The following PTPRG variants were observed in gnomAD, a reference collection of about 807,000 sequenced individuals.
The protein encoded by PTPRG is receptor-type tyrosine-protein phosphatase gamma.
In PTPRG, 102 loss-of-function variants were observed where a neutral mutation model predicts 165.3. The observed-to-expected ratio is 0.62, with a 90% CI of 0.53 to 0.73. The LOEUF is 0.73. PTPRG is among the 30% of genes least tolerant of loss of function. The pLI is 0.00. For synonymous variants in PTPRG, 675 were observed against 669.5 expected (o/e 1.01, Z -0.13); for missense variants, 1,866 against 1,861.4 (o/e 1.00, Z -0.05).
intron 18 of PTPRG, 45 bp downstream of exon 18, chr3:62,267,537 A>G (rs377605771): frequency 2.6e-6 from 4 of 1,550,350 alleles, no homozygotes; most frequent in Non-Finnish European, 3.5e-6. Context: ...GAAATTGAAG[A>G]CTGCAGCAGA....
At chr3:62,267,327 G>T in intron 17 of PTPRG, 83 bp from the exon 18 acceptor site, 2 of 1,041,926 alleles carry the variant, frequency 1.9e-6, no homozygotes, top group South Asian at 1.5e-5. Flanking sequence ...CATGTTACCT[G>T]ATTGCCTTGT....
At chr3:61,568,603 C>T (rs1402719632) in intron 1 of PTPRG, among the ~76,000 whole-genome samples, 1 of 151,946 alleles carries the variant, frequency 6.6e-6, no homozygotes, top group Non-Finnish European at 1.5e-5. Flanking sequence ...GCCCTTAATA[C>T]AACTGTAAAA....
intron 6 of PTPRG, among the ~76,000 whole-genome samples, chr3:62,149,389 C>T (rs1216240366): frequency 6.6e-6 from 1 of 151,682 alleles, no homozygotes; most frequent in Non-Finnish European, 1.5e-5. Flanking sequence ...TTTTCCTGCC[C>T]CAGCCTCCCA....
At chr3:61,643,840 G>T (rs1306037278) in intron 1 of PTPRG, among the ~76,000 whole-genome samples, 1 of 152,070 alleles carries the variant, frequency 6.6e-6, no homozygotes, top group Non-Finnish European at 1.5e-5. Context: ...CTTATTGAAT[G>T]GTCAGTTTGA....
At chr3:61,836,668 G>C (rs1292252816) in intron 2 of PTPRG, among the ~76,000 whole-genome samples, 1 of 152,188 alleles carries the variant, frequency 6.6e-6, no homozygotes, top group Non-Finnish European at 1.5e-5. Flanking sequence ...TTAATAACTT[G>C]CTGAAGATGA....
chr3:61,671,740 CT>C (rs1702996257), intron 1 of PTPRG, among the ~76,000 whole-genome samples: 1 of 147,286 alleles, frequency 6.8e-6, no homozygotes, highest in Non-Finnish European at 1.5e-5. Flanking sequence ...CCCTCACCTC[CT>C]GGACGGGGCG....
At chr3:61,701,178 C>T (rs572037384) in intron 1 of PTPRG, among the ~76,000 whole-genome samples, 26 of 152,224 alleles carry the variant, frequency 1.7e-4, no homozygotes, top group African/African-American at 6.3e-4. Flanking sequence ...TGGGCTTTTT[C>T]CTGTGGTGAT....
At chr3:62,070,892 A>T (rs929518536) in intron 4 of PTPRG, among the ~76,000 whole-genome samples, 5 of 152,116 alleles carry the variant, frequency 3.3e-5, no homozygotes, top group African/African-American at 1.2e-4. Context: ...TTGTCAAAGT[A>T]ACCTGCACAA....
chr3:61,641,118 T>G lies in PTPRG; in HGVS notation c.85+78746T>G, dbSNP rs1301822310. Among the ~76,000 whole-genome samples, 5 of 152,228 alleles carry G rather than the reference T, an allele frequency of 3.3e-5. No homozygotes were observed. The East Asian group carries it at 9.6e-4, about 29-fold the overall frequency. ...GCTTGACTCTTTGATCATCAACTCC[T>G]TGGAGTAGCCTGTTAGCTCTTAAAT... On this transcript the variant is annotated intron_variant, in intron 1 of 29. Transcript: ENST00000474889.
At position 62,129,739 on chromosome 3, in the gene PTPRG, A is replaced by T. The variant is rs79082051; in HGVS notation, c.616-2863A>T. Among the ~76,000 whole-genome samples the T allele has an allele frequency of 1.1e-3, 173 of 152,344 alleles. 2 individuals are homozygous for T. In the East Asian group the frequency reaches 0.032, roughly 28 times the overall value. ...CCAACACGTGAAATGTTGGGGATACATTCAAACCATAGTGGTCCCCCTGAC... is the reference window on the plus strand; with the variant it reads ...CCAACACGTGAAATGTTGGGGATACTTTCAAACCATAGTGGTCCCCCTGAC... On this transcript the variant is annotated intron_variant, in intron 5 of 29. Coordinates refer to ENST00000474889, the MANE Select transcript of PTPRG (RefSeq NM_002841.4).
At chr3:62,274,084 A>T (rs1220745880) in intron 23 of PTPRG, among the ~76,000 whole-genome samples, 36 of 152,156 alleles carry the variant, frequency 2.4e-4, no homozygotes, top group Non-Finnish European at 2.9e-5. Flanking sequence ...ACTTTATCTG[A>T]ATATAAACAT....
At chr3:61,856,004 T>C (rs1477137721) in intron 2 of PTPRG, among the ~76,000 whole-genome samples, 3 of 152,168 alleles carry the variant, frequency 2.0e-5, no homozygotes, top group Non-Finnish European at 4.4e-5. Flanking sequence ...AGAAGAACTT[T>C]CCCTTCCTCC....
intron 2 of PTPRG, among the ~76,000 whole-genome samples, chr3:61,873,854 T>C (rs531522494): frequency 7.2e-5 from 11 of 152,312 alleles, no homozygotes; most frequent in South Asian, 2.1e-4. Context: ...CTCTCATTCT[T>C]ACTGGCTGTG....
At chr3:62,027,316 G>T (rs570442093) in intron 4 of PTPRG, among the ~76,000 whole-genome samples, 17 of 152,146 alleles carry the variant, frequency 1.1e-4, no homozygotes, top group Non-Finnish European at 2.5e-4. Context: ...CGTGTCTCCA[G>T]AGTGGTGTCC....
At chr3:62,264,999 G>A (rs906774499) in intron 17 of PTPRG, among the ~76,000 whole-genome samples, 7 of 149,964 alleles carry the variant, frequency 4.7e-5, no homozygotes, top group Admixed American at 1.3e-4. Flanking sequence ...CCGGTATGAA[G>A]TGGTATCCTA....
At chr3:61,904,258 T>A (rs937050318) in intron 2 of PTPRG, among the ~76,000 whole-genome samples, 5 of 152,156 alleles carry the variant, frequency 3.3e-5, no homozygotes, top group African/African-American at 1.2e-4. Flanking sequence ...ATTGTAAGTC[T>A]CCATCCAGAA....
chr3:61,865,638 G>A (rs562818147), intron 2 of PTPRG, among the ~76,000 whole-genome samples: 3 of 152,246 alleles, frequency 2.0e-5, no homozygotes, highest in South Asian at 2.1e-4. Flanking sequence ...TCCACCTGCC[G>A]ACAGGGCAGG....
rs1022418977 is a variant in PTPRG at position 61,721,256 on chromosome 3, C to T, written c.86-27622C>T. On this transcript the variant is annotated intron_variant, in intron 1 of 29. Transcript: ENST00000474889. The stretch of plus-strand genomic sequence containing the variant: ...AGAATTGCAACCTGAACTATTTTAG[C>T]GCTTTAAGTAATATAGTATCATCAG... 3.3e-5 allele frequency among the ~76,000 whole-genome samples: 5 copies of T among 152,264 alleles called. No individual in the cohort carries two copies. The South Asian group carries it at 1.0e-3, about 32-fold the overall frequency.
In PTPRG at chr3:62,271,128, CTG is replaced by C. The variant is rs984245965; in HGVS notation, c.3010-254_3010-253del. On this transcript the variant is annotated intron_variant, in intron 20 of 29. Transcript: ENST00000474889. This position sits in a 1 kb window ranked among gnomAD's most constrained non-coding sequence, Gnocchi z 4.1. The stretch of plus-strand genomic sequence containing the variant: ...TGGATAGTTCCAAATCCAAAAAAAA[CTG>C]ATACTAAATGTTCATTCTTAGTACA... Among the ~76,000 whole-genome samples the C allele has an allele frequency of 6.6e-6, 1 of 151,550 alleles. No individual in the cohort carries two copies. The highest frequency in any genetic ancestry group is 1.5e-5 in the Non-Finnish European group (1 of 67,798).
Sources: gnomAD v4.1 joint callset for allele counts (sites outside exome capture counted in the v4.1 genomes callset) on GRCh38, gnomAD v4.1.1 for gene constraint, Gnocchi (gnomAD v3.1) non-coding constraint, MANE v1.5 for transcripts, NCBI Gene and HGNC (gene_info 2026-07-23, HGNC 2026-07-21) for gene names.